Variants in TET3 observed in about 807,000 individuals in gnomAD.
TET3 encodes tet methylcytosine dioxygenase 3, also known as methylcytosine dioxygenase TET3.
TET3 carries 19 observed loss-of-function variants against 141.4 expected under a neutral mutation model. That is an observed-to-expected ratio of 0.13 (90% CI 0.09 to 0.20). The LOEUF (loss-of-function observed/expected upper bound fraction) is 0.20. Among genes scored for constraint, TET3 ranks in the 10% least tolerant of loss-of-function variants. The pLI is 1.00. For missense variants in TET3, 1,874 were observed against 2,356.9 expected, an observed-to-expected ratio of 0.80 and a Z score of 4.24; for synonymous variants, 1,043 against 980.9, an observed-to-expected ratio of 1.06 and a Z score of -1.18.
intron 4 of TET3, among the ~76,000 whole-genome samples, chr2:74,051,011 G>A (rs1687915170): frequency 6.6e-6 from 1 of 152,194 alleles, no homozygotes; most frequent in African/African-American, 2.4e-5. Context: ...TGTCATCATG[G>A]GAGATCATGT....
intron 3 of TET3, among the ~76,000 whole-genome samples, chr2:74,022,101 T>C (rs1439429845): frequency 1.3e-5 from 2 of 149,766 alleles, no homozygotes; most frequent in African/African-American, 4.9e-5. Flanking sequence ...ACACTTTTTT[T>C]TTTTTTTTTT....
intron 3 of TET3, among the ~76,000 whole-genome samples, chr2:74,012,446 G>C (rs1685485169): frequency 6.6e-6 from 1 of 152,190 alleles, no homozygotes; most frequent in African/African-American, 2.4e-5. Context: ...GGCACACAGG[G>C]GTAAAGTTTT....
rs78591423 is a variant in TET3, at chr2:74,011,422, A to G, written c.360+8256A>G. Among the ~76,000 whole-genome samples the G allele has an allele frequency of 3.1e-3, 465 of 152,324 alleles. 21 individuals are homozygous for G. In the East Asian group the frequency reaches 0.082, roughly 27 times the overall value. ...ATTTGGACAAAGGTCAGGCCAGGCC[A>G]TAGTACAGTAGTACGTGCTGGCTTT... On this transcript the variant is annotated intron_variant, in intron 3 of 11. Transcript: ENST00000409262.
chr2:73,994,344 GGGAGTATGCA>G (rs1171522525), intron 2 of TET3, among the ~76,000 whole-genome samples: 1 of 152,176 alleles, frequency 6.6e-6, no homozygotes, highest in African/African-American at 2.4e-5. Flanking sequence ...CCTCACTGGA[GGGAGTATGCA>G]GGAGTTTTAT....
At position 73,984,981 on chromosome 2, in the gene TET3, G is replaced by T. The variant is rs1271740914; in HGVS notation, c.-601G>T. On this transcript the variant is annotated 5_prime_UTR_variant, in exon 1 of 12. Transcript: ENST00000409262. The surrounding 1 kb of genome is among the most constrained non-coding windows in gnomAD (Gnocchi z 5.6). The stretch of plus-strand genomic sequence containing the variant: ...GCCGCTGCCTCTTCCTTCCTCCTGC[G>T]CCGTCCCCTCCTCGGCCCGGGCGGG... 6.8e-6 allele frequency among the ~76,000 whole-genome samples: 1 copy of T among 146,774 alleles called. No homozygotes were observed. Among genetic ancestry groups the T allele is most frequent in the Non-Finnish European group, 1.5e-5 (1 of 65,934 alleles).
intron 3 of TET3, among the ~76,000 whole-genome samples, chr2:74,040,472 G>T (rs1687284869): frequency 6.6e-6 from 1 of 152,116 alleles, no homozygotes. Context: ...TGGGAATGTT[G>T]GTGAATGCAA....
Position 74,085,492 on chromosome 2 carries a change from G to C in TET3, c.2680-2338G>C, listed in dbSNP as rs534442259. On this transcript the variant is annotated intron_variant, in intron 6 of 11. Coordinates refer to ENST00000409262, the MANE Select transcript of TET3 (RefSeq NM_001287491.2). ...ATCTCCTGACCTCCAGACCCACTCT[G>C]GGGGGTATCCTTAGAGACCACTCAG... Among the ~76,000 whole-genome samples the C allele has an allele frequency of 3.3e-5, 5 of 152,284 alleles. No homozygotes were observed. In the East Asian group the frequency reaches 9.6e-4, roughly 29 times the overall value.
downstream of TET3, among the ~76,000 whole-genome samples, chr2:74,112,241 T>C (rs1405310619): frequency 6.6e-6 from 1 of 152,036 alleles, no homozygotes; most frequent in African/African-American, 2.4e-5. Context: ...TGCAGGCCAT[T>C]TGGTGTCTTT....
At chr2:74,134,446 T>G in the TET3 span, 1 of 301,674 alleles carries the variant, frequency 3.3e-6, no homozygotes. Flanking sequence ...TATTTGAAAT[T>G]TTTTTCTGCC....
intron 2 of TET3, chr2:74,002,862 G>A (rs999914050): frequency 3.5e-6 from 2 of 566,420 alleles, no homozygotes; most frequent in Admixed American, 3.1e-5. Flanking sequence ...CCGTCCTCTC[G>A]GATCTCGGGG....
intron 10 of TET3, among the ~76,000 whole-genome samples, chr2:74,096,262 G>C (rs1573911945): frequency 6.6e-6 from 1 of 152,204 alleles, no homozygotes; most frequent in Non-Finnish European, 1.5e-5. Flanking sequence ...CAGGAGGCTG[G>C]TCAGAGCAGA....
rs1217620288 is a variant in TET3 at position 74,047,968 on chromosome 2, G to A, written c.2051G>A (p.Arg684Lys). 3.7e-6 allele frequency: 6 copies of A among 1,612,136 alleles called. No individual in the cohort carries two copies. Among genetic ancestry groups the A allele is most frequent in the Non-Finnish European group, 5.1e-6 (6 of 1,179,084 alleles). The change falls in exon 4 of 12, where the codon AGG becomes AAG. Residue 684 changes from arginine (R) to lysine (K), a missense_variant. Arg to Lys is a conservative substitution (Grantham distance 26). Coordinates refer to ENST00000409262, the MANE Select transcript of TET3 (RefSeq NM_001287491.2). Reference protein sequence around the residue: ...DSLLPPTQEMRSPSPMTALQP... With the variant: ...DSLLPPTQEMKSPSPMTALQP... ...CTGCTGCCCCCTACTCAGGAAATGA[G>A]GTCCCCCAGCCCCATGACAGCCTTG... is the stretch of plus-strand genomic sequence containing the variant.
the TET3 span, among the ~76,000 whole-genome samples, chr2:74,125,856 A>T: frequency 6.6e-6 from 1 of 152,196 alleles, no homozygotes; most frequent in African/African-American, 2.4e-5. Flanking sequence ...TTTGTAGCTC[A>T]GTAAATTGAA....
intron 3 of TET3, among the ~76,000 whole-genome samples, chr2:74,004,947 G>A (rs1685075317): frequency 1.3e-5 from 2 of 152,160 alleles, no homozygotes; most frequent in Admixed American, 1.3e-4. Flanking sequence ...AACGGGATGA[G>A]GACAGATGGA....
At chr2:74,007,830 T>C (rs1407400502) in intron 3 of TET3, among the ~76,000 whole-genome samples, 2 of 152,208 alleles carry the variant, frequency 1.3e-5, no homozygotes, top group African/African-American at 4.8e-5. Flanking sequence ...TGTTTTTCAG[T>C]GTTCCCAAAA....
At chr2:74,066,263 T>A (rs1688892657) in intron 4 of TET3, among the ~76,000 whole-genome samples, 1 of 152,228 alleles carries the variant, frequency 6.6e-6, no homozygotes, top group Non-Finnish European at 1.5e-5. Context: ...TTATGCTTAA[T>A]AAGACACTTA....
At chr2:73,997,312 G>A (rs1463952053) in intron 2 of TET3, among the ~76,000 whole-genome samples, 1 of 152,188 alleles carries the variant, frequency 6.6e-6, no homozygotes, top group Non-Finnish European at 1.5e-5. Context: ...GAGGACATGG[G>A]TGGCTCTTTC....
At chr2:74,084,482 T>C (rs2104025409) in intron 6 of TET3, among the ~76,000 whole-genome samples, 1 of 151,308 alleles carries the variant, frequency 6.6e-6, no homozygotes, top group Non-Finnish European at 1.5e-5. Context: ...AGATGGAGTC[T>C]CGCTCTGTCG....
At chr2:74,070,383 C>A (rs1218218584) in intron 4 of TET3, among the ~76,000 whole-genome samples, 1 of 152,160 alleles carries the variant, frequency 6.6e-6, no homozygotes, top group East Asian at 1.9e-4. Flanking sequence ...TTATTCACTA[C>A]CATGAGAACA....
Sources: allele counts gnomAD v4.1 joint callset (sites outside exome capture counted in the v4.1 genomes callset), GRCh38; gene constraint gnomAD v4.1.1; non-coding constraint Gnocchi (gnomAD v3.1); transcripts MANE v1.5; gene names NCBI Gene and HGNC (gene_info 2026-07-23, HGNC 2026-07-21).